KEAP1: variants seen among roughly 807,000 people sequenced by gnomAD.
The protein encoded by KEAP1 is kelch-like ECH-associated protein 1.
In KEAP1, 26 loss-of-function variants were observed where a neutral mutation model predicts 59.7. That is an observed-to-expected ratio of 0.44 (90% CI 0.32 to 0.60). The LOEUF (loss-of-function observed/expected upper bound fraction) is 0.60, where lower values mean the gene tolerates loss of function less well. KEAP1 is among the 20% of genes least tolerant of loss of function. The probability of loss-of-function intolerance (pLI) is 0.06; values close to 1 mark genes in which losing one functional copy is unlikely to be tolerated. For missense variants in KEAP1, 539 were observed against 871.4 expected, an observed-to-expected ratio of 0.62 and a Z score of 4.80; for synonymous variants, 350 against 358.3, an observed-to-expected ratio of 0.98 and a Z score of 0.26.
intron 2 of KEAP1, among the ~76,000 whole-genome samples, chr19:10,493,376 A>G (rs1351556234): frequency 6.6e-6 from 1 of 151,578 alleles, no homozygotes; most frequent in Non-Finnish European, 1.5e-5. Flanking sequence ...GTTAGCCAGG[A>G]TGGTCTCGAT....
chr19:10,487,570 C>A (rs901169857), intron 5 of KEAP1, among the ~76,000 whole-genome samples: 5 of 152,150 alleles, frequency 3.3e-5, no homozygotes, highest in African/African-American at 4.8e-5. Context: ...GTAGGAGAAT[C>A]GCTTGAACCC....
chr19:10,499,902 G>A lies in KEAP1; in HGVS notation c.132C>T (p.Pro44=), dbSNP rs529173993. The A allele has an allele frequency of 2.3e-5, 37 of 1,613,184 alleles. No homozygotes were observed. Among genetic ancestry groups the A allele is most frequent in the Non-Finnish European group, 3.1e-5 (36 of 1,179,782 alleles). The change falls in exon 2 of 6, where the codon CCC becomes CCT. Residue 44 remains proline (P), a synonymous_variant. Coordinates refer to ENST00000171111, the MANE Select transcript of KEAP1 (RefSeq NM_203500.2). The surrounding 1 kb of genome is among the most constrained non-coding windows in gnomAD (Gnocchi z 6.7). ...TGAAGGTGCGGTTGCCATGCTGGGA[G>A]GGCGTCACCTCCGCCTTGCACTCAG... ...ASTECKAEVT[P]SQHGNRTFSY... is the part of the protein sequence containing the mutation.
At chr19:10,495,266 C>T (rs1914815154) in intron 2 of KEAP1, among the ~76,000 whole-genome samples, 1 of 152,114 alleles carries the variant, frequency 6.6e-6, no homozygotes, top group South Asian at 2.1e-4. Context: ...CCTGCCTCAG[C>T]CTCCCAAAGC....
At position 10,489,346 on chromosome 19, in the gene KEAP1, A is replaced by G. The variant is rs750521164; in HGVS notation, c.1554T>C (p.Cys518=). The G allele has an allele frequency of 3.7e-5, 59 of 1,613,710 alleles. No homozygotes were observed. The highest frequency in any genetic ancestry group is 4.2e-5 in the Non-Finnish European group (50 of 1,179,850). Residue 518 remains cysteine (C), a synonymous_variant, in exon 5 of 6, where the codon TGT becomes TGC. Transcript: ENST00000171111. Reference sequence around the variant, plus strand: ...CATCATAGCCCCCAGCAGCATAGATACAGTTGTGCAGGACGCAGACGCCTA... The same window carrying G: ...CATCATAGCCCCCAGCAGCATAGATGCAGTTGTGCAGGACGCAGACGCCTA... The part of the protein sequence containing the change: ...SGAGVCVLHN[C]IYAAGGYDGQ...
chr19:10,501,830 G>T (rs762946197), intron 1 of KEAP1, among the ~76,000 whole-genome samples: 32 of 152,112 alleles, frequency 2.1e-4, no homozygotes, highest in Non-Finnish European at 3.7e-4. Flanking sequence ...ACAGGCATAG[G>T]CTGCTGTGCC....
intron 5 of KEAP1, among the ~76,000 whole-genome samples, chr19:10,488,938 A>G (rs1301337732): frequency 1.3e-5 from 2 of 151,796 alleles, no homozygotes; most frequent in Non-Finnish European, 2.9e-5. Flanking sequence ...CTCAAAAGAA[A>G]AAAAACATTA....
At chr19:10,490,788 C>T (rs1785976184) in intron 3 of KEAP1, 1 of 152,136 alleles carries the variant, frequency 6.6e-6, no homozygotes, top group Non-Finnish European at 1.5e-5. Context: ...ACTGAGCCTC[C>T]TAGCCATCAA....
Position 10,491,551 on chromosome 19 carries a change from G to T in KEAP1, c.1325+26C>A. Reference sequence around the variant, plus strand: ...ACTTGCCAGGAGCAGGACCCTCCGAGCCCACCCCCAGGCCCTGCCACTCAC... The same window carrying T: ...ACTTGCCAGGAGCAGGACCCTCCGATCCCACCCCCAGGCCCTGCCACTCAC... On this transcript the variant is annotated intron_variant, in intron 3 of 5. Transcript: ENST00000171111. This position sits in a 1 kb window ranked among gnomAD's most constrained non-coding sequence, Gnocchi z 5.2. 6.7e-7 allele frequency: 1 copy of T among 1,488,074 alleles called. No homozygotes were observed. 92.2% of individuals were successfully genotyped at this position (1,488,074 alleles called of 1,614,324 possible).
Position 10,491,711 on chromosome 19 carries a change from G to C in KEAP1, c.1191C>G (p.Asn397Lys), listed in dbSNP as rs369105238. Residue 397 changes from asparagine (N) to lysine (K), a missense_variant, in exon 3 of 6, where the codon AAC (asparagine) becomes AAG (lysine). Around this residue, in one of 4 missense-constraint regions of KEAP1, gnomAD observed 311 missense variants for 425.2 expected, o/e 0.73. Coordinates refer to ENST00000171111, the MANE Select transcript of KEAP1 (RefSeq NM_203500.2). The surrounding 1 kb of genome is among the most constrained non-coding windows in gnomAD (Gnocchi z 5.2). The stretch of plus-strand genomic sequence containing the variant: ...AGGGCGACCACTGATTGGTCATGGG[G>C]TTGTAACAGTCCAGGGCGCTGGAGT... ...NTDSSALDCY[N>K]PMTNQWSPCA... is the part of the protein sequence containing the mutation. 9 of 1,572,400 alleles carry C rather than the reference G, an allele frequency of 5.7e-6. No individual in the cohort carries two copies. The highest frequency in any genetic ancestry group is 6.9e-6 in the Non-Finnish European group (8 of 1,159,708).
chr19:10,496,284 T>C (rs958495264), intron 2 of KEAP1, among the ~76,000 whole-genome samples: 5 of 149,552 alleles, frequency 3.3e-5, no homozygotes, highest in Non-Finnish European at 7.4e-5. Context: ...TCACTTGAGG[T>C]CAGGAGTTCA....
chr19:10,490,214 T>C lies in KEAP1; in HGVS notation c.1326-361A>G, dbSNP rs1914621536. ...TTGCAGCGAGCTGAGATCATGCCAC[T>C]GCACTCCAACCTGGGCAACAGAGCG... On this transcript the variant is annotated intron_variant, in intron 3 of 5. Transcript: ENST00000171111. 3 of 212,328 alleles carry C rather than the reference T, an allele frequency of 1.4e-5. No individual in the cohort carries two copies. The South Asian group carries it at 2.4e-4, about 17-fold the overall frequency. 13.2% of individuals were successfully genotyped at this position (212,328 alleles called of 1,614,324 possible).
chr19:10,499,357 TCTC>T lies in KEAP1; in HGVS notation c.639+35_639+37del. On this transcript the variant is annotated intron_variant, in intron 2 of 5. Transcript: ENST00000171111. The surrounding 1 kb of genome is among the most constrained non-coding windows in gnomAD (Gnocchi z 6.7). ...TGAGCACTCGTCCATCCCTGGTCCT[TCTC>T]CTGACACTGCCCCCAGCCCCACTTC... 1 of 1,517,284 alleles carries T rather than the reference TCTC, an allele frequency of 6.6e-7. No homozygotes were observed. The highest frequency in any genetic ancestry group is 8.9e-7 in the Non-Finnish European group (1 of 1,129,358). 94.0% of individuals were successfully genotyped at this position (1,517,284 alleles called of 1,614,324 possible).
At chr19:10,493,493 A>T (rs929613251) in intron 2 of KEAP1, among the ~76,000 whole-genome samples, 4 of 140,236 alleles carry the variant, frequency 2.9e-5, no homozygotes, top group Non-Finnish European at 6.2e-5. Flanking sequence ...GTAGAGACGG[A>T]GTTTCACTAT....
At chr19:10,489,933 T>C in intron 3 of KEAP1, 80 bp from the exon 4 acceptor site, 1 of 1,337,628 alleles carries the variant, frequency 7.5e-7, no homozygotes, top group East Asian at 2.5e-5. Context: ...GATACTCTTT[T>C]TTTTCCTTTT....
chr19:10,487,875 T>C (rs1568396185), intron 5 of KEAP1, among the ~76,000 whole-genome samples: 2 of 151,776 alleles, frequency 1.3e-5, no homozygotes, highest in East Asian at 3.9e-4. Context: ...ACACCTGTAA[T>C]CCCATCCCTC....
chr19:10,500,681 C>CTTTTT (rs539575991), intron 1 of KEAP1, among the ~76,000 whole-genome samples: 1 of 128,722 alleles, frequency 7.8e-6, no homozygotes, highest in South Asian at 2.5e-4. Flanking sequence ...AGTTTGTTTG[C>CTTTTT]TTTTTTTTTT....
chr19:10,489,947 T>A, intron 3 of KEAP1, 94 bp from the exon 4 acceptor site: 1 of 1,273,300 alleles, frequency 7.9e-7, no homozygotes, highest in Non-Finnish European at 1.1e-6. Context: ...TCCTTTTTTT[T>A]TTCCCCCTTA....
At chr19:10,487,332 G>A (rs1182906205) in intron 5 of KEAP1, among the ~76,000 whole-genome samples, 2 of 151,868 alleles carry the variant, frequency 1.3e-5, no homozygotes, top group African/African-American at 4.8e-5. Flanking sequence ...AGGCAACAGA[G>A]TGAGACCCTA....
chr19:10,488,269 A>G (rs929814907), intron 5 of KEAP1, among the ~76,000 whole-genome samples: 2 of 151,474 alleles, frequency 1.3e-5, no homozygotes, highest in African/African-American at 4.9e-5. Flanking sequence ...CCTGGGCAAC[A>G]TGAGCAAAAC....
Sources: gnomAD v4.1 joint callset for allele counts (sites outside exome capture counted in the v4.1 genomes callset) on GRCh38, gnomAD v4.1.1 for gene constraint, gnomAD v4.1.1 regional missense constraint, Gnocchi (gnomAD v3.1) non-coding constraint, MANE v1.5 for transcripts, NCBI Gene and HGNC (gene_info 2026-07-23, HGNC 2026-07-21) for gene names.